SPOCK1: variants seen among roughly 807,000 people sequenced by gnomAD.
The protein encoded by SPOCK1 is testican-1.
In SPOCK1, 23 loss-of-function variants were observed where a neutral mutation model predicts 55.3. That is an observed-to-expected ratio of 0.42 (90% CI 0.30 to 0.59). The LOEUF is 0.59. Among genes scored for constraint, SPOCK1 ranks in the 20% least tolerant of loss-of-function variants. The probability of loss-of-function intolerance (pLI) is 0.22; values close to 1 mark genes in which losing one functional copy is unlikely to be tolerated. For synonymous variants in SPOCK1, 226 were observed against 221.0 expected (o/e 1.02, Z -0.20); for missense variants, 499 against 552.5 (o/e 0.90, Z 0.97).
intron 2 of SPOCK1, among the ~76,000 whole-genome samples, chr5:137,426,263 C>A (rs1752609233): frequency 6.6e-6 from 1 of 152,140 alleles, no homozygotes; most frequent in African/African-American, 2.4e-5. Context: ...TCTATATATA[C>A]CATGGCATAA....
intron 2 of SPOCK1, among the ~76,000 whole-genome samples, chr5:137,334,385 G>A (rs185013092): frequency 7.4e-4 from 113 of 152,308 alleles, no homozygotes; most frequent in African/African-American, 2.7e-3. Flanking sequence ...CCAACAAGAT[G>A]TTTGGGGAGT....
chr5:137,124,137 G>A (rs145578945), intron 4 of SPOCK1, among the ~76,000 whole-genome samples: 12 of 152,298 alleles, frequency 7.9e-5, no homozygotes, highest in Middle Eastern at 6.8e-3. Context: ...AGAAAATGGT[G>A]CAAGGAGAAA....
chr5:137,163,670 CA>C (rs1442106640), intron 3 of SPOCK1, among the ~76,000 whole-genome samples: 2 of 152,100 alleles, frequency 1.3e-5, no homozygotes, highest in Non-Finnish European at 2.9e-5. Flanking sequence ...ATAATTAGTC[CA>C]AGTTAGCGGA....
At position 137,032,711 on chromosome 5, in the gene SPOCK1, T is replaced by A. The variant is rs77707553; in HGVS notation, c.589+35004A>T. On this transcript the variant is annotated intron_variant, in intron 6 of 10. Coordinates refer to ENST00000394945, the MANE Select transcript of SPOCK1 (RefSeq NM_004598.4). ...ATCCCCAAAATCTATGGAGAGAAAG[T>A]AGCTGAGGATTTAGCCATCAGGGTT... 5.0e-4 allele frequency among the ~76,000 whole-genome samples: 76 copies of A among 152,132 alleles called. 1 individual carries two copies. Among genetic ancestry groups the A allele is most frequent in the African/African-American group, 1.8e-3 (74 of 41,512 alleles).
chr5:137,090,185 TGAA>T (rs1468804410), intron 5 of SPOCK1, among the ~76,000 whole-genome samples: 1 of 152,240 alleles, frequency 6.6e-6, no homozygotes, highest in Non-Finnish European at 1.5e-5. Flanking sequence ...TGTATTTCAA[TGAA>T]GAAGGGTTGA....
At chr5:137,377,778 T>G (rs10045831) in intron 2 of SPOCK1, among the ~76,000 whole-genome samples, 27,180 of 151,972 alleles carry the variant, frequency 0.18, 2,869 homozygotes, top group African/African-American at 0.28. Flanking sequence ...CCCCTTGACA[T>G]TCTCTACAAT....
chr5:137,098,861 C>T (rs1022719224), intron 5 of SPOCK1, among the ~76,000 whole-genome samples: 1 of 152,194 alleles, frequency 6.6e-6, no homozygotes, highest in African/African-American at 2.4e-5. Context: ...ACAGGCTCCA[C>T]GGGCCACCTC....
In SPOCK1 at chr5:137,428,342, T is replaced by A. The variant is rs535220188; in HGVS notation, c.186+70031A>T. Among the ~76,000 whole-genome samples the A allele has an allele frequency of 3.3e-5, 5 of 152,174 alleles. No homozygotes were observed. In the East Asian group the frequency reaches 7.8e-4, roughly 24 times the overall value. The stretch of plus-strand genomic sequence containing the variant: ...CACAGTCACATCACTAGGAGAGTCA[T>A]GTAGGGAAAATGGAAAGGCAGGGAA... On this transcript the variant is annotated intron_variant, in intron 2 of 10. Transcript: ENST00000394945.
chr5:137,369,782 C>T (rs1415632272), intron 2 of SPOCK1, among the ~76,000 whole-genome samples: 5 of 152,030 alleles, frequency 3.3e-5, no homozygotes, highest in Admixed American at 6.5e-5. Context: ...CTCATATGGC[C>T]GAGAGAGAGA....
At chr5:137,208,033 T>A (rs1276742682) in intron 3 of SPOCK1, among the ~76,000 whole-genome samples, 1 of 152,038 alleles carries the variant, frequency 6.6e-6, no homozygotes, top group Non-Finnish European at 1.5e-5. Context: ...CTCCCATTCA[T>A]CTCCCTCACA....
At chr5:137,370,702 T>C (rs961765459) in intron 2 of SPOCK1, among the ~76,000 whole-genome samples, 3 of 152,254 alleles carry the variant, frequency 2.0e-5, no homozygotes, top group African/African-American at 7.2e-5. Flanking sequence ...GAAGATCCTT[T>C]TCTGACACAT....
At chr5:137,447,259 G>A (rs2149833648) in intron 2 of SPOCK1, among the ~76,000 whole-genome samples, 1 of 152,268 alleles carries the variant, frequency 6.6e-6, no homozygotes, top group African/African-American at 2.4e-5. Context: ...GAAAAGGAGG[G>A]CAACAGCTGA....
intron 2 of SPOCK1, among the ~76,000 whole-genome samples, chr5:137,414,053 G>A (rs1446298022): frequency 1.3e-5 from 2 of 152,208 alleles, no homozygotes; most frequent in East Asian, 3.8e-4. Context: ...AACCGTGATT[G>A]GTAAATGATT....
intron 7 of SPOCK1, 54 bp from the exon 8 acceptor site, chr5:136,988,697 T>G (rs1750891291): frequency 7.9e-6 from 12 of 1,526,198 alleles, no homozygotes; most frequent in Non-Finnish European, 9.8e-6. Context: ...CTTTCCTCCC[T>G]GCTCACTCCC....
intron 5 of SPOCK1, among the ~76,000 whole-genome samples, chr5:137,071,196 A>G (rs1340163841): frequency 6.6e-6 from 1 of 151,752 alleles, no homozygotes; most frequent in Admixed American, 6.6e-5. Flanking sequence ...GTCTCACTAC[A>G]TTGCCCAGGC....
rs1217594077 is a variant in SPOCK1 at position 137,180,636 on chromosome 5, A to C, written c.233-39942T>G. Among the ~76,000 whole-genome samples the C allele has an allele frequency of 5.3e-5, 8 of 152,222 alleles. No homozygotes were observed. In the South Asian group the frequency reaches 1.0e-3, roughly 20 times the overall value. Reference sequence around the variant, plus strand: ...TTGGGACAGTTCCGTTCACCACCCCAAGGACATCTCAGCTATGGCCAAGAA... The same window carrying C: ...TTGGGACAGTTCCGTTCACCACCCCCAGGACATCTCAGCTATGGCCAAGAA... On this transcript the variant is annotated intron_variant, in intron 3 of 10. Transcript: ENST00000394945.
chr5:137,329,138 A>T (rs1758127890), intron 2 of SPOCK1, among the ~76,000 whole-genome samples: 1 of 152,240 alleles, frequency 6.6e-6, no homozygotes, highest in South Asian at 2.1e-4. Context: ...TCCATTGAAA[A>T]CGTGAATAGA....
At chr5:137,201,815 T>A (rs987333955) in intron 3 of SPOCK1, among the ~76,000 whole-genome samples, 1 of 152,158 alleles carries the variant, frequency 6.6e-6, no homozygotes, top group Non-Finnish European at 1.5e-5. Context: ...TTCATACCAA[T>A]ACTCTATCAA....
chr5:137,365,566 T>C (rs933365896), intron 2 of SPOCK1: 3 of 152,234 alleles, frequency 2.0e-5, no homozygotes, highest in Admixed American at 1.3e-4. Flanking sequence ...TCAGCTAAAA[T>C]TCTCCCTTTT....
Sources: gnomAD v4.1 joint callset for allele counts (sites outside exome capture counted in the v4.1 genomes callset) on GRCh38, gnomAD v4.1.1 for gene constraint, MANE v1.5 for transcripts, NCBI Gene and HGNC (gene_info 2026-07-23, HGNC 2026-07-21) for gene names.